Variants in TRIM16 observed in about 807,000 individuals in gnomAD.
The protein encoded by TRIM16 is tripartite motif-containing protein 16.
TRIM16 carries 33 observed loss-of-function variants against 50.4 expected under a neutral mutation model. That is an observed-to-expected ratio of 0.65 (90% CI 0.50 to 0.88). TRIM16 has a LOEUF of 0.88. TRIM16 is among the 40% of genes least tolerant of loss of function. The probability of loss-of-function intolerance (pLI) is 0.00; values close to 1 mark genes in which losing one functional copy is unlikely to be tolerated. For missense variants in TRIM16, 581 were observed against 686.8 expected, an observed-to-expected ratio of 0.85 and a Z score of 1.72; for synonymous variants, 229 against 270.7, an observed-to-expected ratio of 0.85 and a Z score of 1.51.
intron 6 of TRIM16, among the ~76,000 whole-genome samples, chr17:15,675,848 T>C (rs1239319316): frequency 2.7e-5 from 4 of 147,432 alleles, no homozygotes; most frequent in African/African-American, 1.0e-4. Context: ...ATATATTATA[T>C]ACTATACATA....
At chr17:15,676,052 C>T (rs999659039) in intron 6 of TRIM16, among the ~76,000 whole-genome samples, 10 of 152,042 alleles carry the variant, frequency 6.6e-5, no homozygotes, top group Admixed American at 2.0e-4. Flanking sequence ...TTTGGCATGT[C>T]GTCCTTATAT....
At chr17:15,662,244 G>T (rs2150928659) in intron 6 of TRIM16, among the ~76,000 whole-genome samples, 1 of 152,302 alleles carries the variant, frequency 6.6e-6, no homozygotes, top group Admixed American at 6.5e-5. Context: ...CCCATGAGGA[G>T]TCAGAAATGG....
chr17:15,669,478 C>A (rs529278131), intron 6 of TRIM16, among the ~76,000 whole-genome samples: 1 of 152,254 alleles, frequency 6.6e-6, no homozygotes, highest in Admixed American at 6.5e-5. Context: ...TACATATACA[C>A]GCACAAGCAA....
intron 6 of TRIM16, among the ~76,000 whole-genome samples, chr17:15,669,105 T>C (rs1442873766): frequency 1.3e-5 from 2 of 151,906 alleles, no homozygotes; most frequent in African/African-American, 2.4e-5. Flanking sequence ...AAAATCTTGA[T>C]AGTATCCAAT....
At chr17:15,652,459 T>G (rs1987772057) in intron 6 of TRIM16, among the ~76,000 whole-genome samples, 2 of 111,782 alleles carry the variant, frequency 1.8e-5, no homozygotes, top group African/African-American at 8.0e-5. Flanking sequence ...GCCCACCTTT[T>G]TTTTTTTTTT....
Position 15,651,551 on chromosome 17 carries a change from G to A in TRIM16, c.59C>T (p.Pro20Leu), listed in dbSNP as rs1233537895. Residue 20 changes from proline (P) to leucine (L), a missense_variant, in exon 7 of 12, where the codon CCA becomes CTA. Around this residue, in one of 3 missense-constraint regions of TRIM16, gnomAD observed 450 missense variants for 544.3 expected, o/e 0.83. Coordinates refer to ENST00000649191, the MANE Select transcript of TRIM16 (RefSeq NM_001348119.1). The stretch of plus-strand genomic sequence containing the variant: ...CCCAGAGTCTGGGCTGAGAGGGGCT[G>A]GGGGCTGAGCAGTGGCCCTGGGCAG... Reference protein sequence around the residue: ...GPLPRATAQPPAPLSPDSGSP... With the variant: ...GPLPRATAQPLAPLSPDSGSP... 5.6e-6 allele frequency: 9 copies of A among 1,613,926 alleles called. No homozygotes were observed. Among genetic ancestry groups the A allele is most frequent in the Non-Finnish European group, 7.6e-6 (9 of 1,179,946 alleles).
chr17:15,645,577 A>C (rs1000240327), intron 7 of TRIM16, among the ~76,000 whole-genome samples: 1 of 149,006 alleles, frequency 6.7e-6, no homozygotes, highest in African/African-American at 2.6e-5. Context: ...AAAAGAAAAA[A>C]AAAAAAGAAT....
chr17:15,671,767 A>G (rs1387286682), intron 6 of TRIM16, among the ~76,000 whole-genome samples: 1 of 152,174 alleles, frequency 6.6e-6, no homozygotes, highest in Admixed American at 6.5e-5. Context: ...GTATCAAACC[A>G]AAATTGTCAT....
rs1597634028 is a variant in TRIM16 at position 15,651,633 on chromosome 17, G to T, written c.-24C>A. 2.5e-6 allele frequency: 4 copies of T among 1,606,952 alleles called. No individual in the cohort carries two copies. Among genetic ancestry groups the T allele is most frequent in the Non-Finnish European group, 3.4e-6 (4 of 1,176,796 alleles). On this transcript the variant is annotated 5_prime_UTR_variant, in exon 7 of 12. Transcript: ENST00000649191. ...ATCTGGGAGGCTCTGCTCCTAGGCT[G>T]TCTTTCTTCTGTCCCTTGGCCCAGG...
intron 6 of TRIM16, among the ~76,000 whole-genome samples, chr17:15,658,278 T>C (rs564459142): frequency 6.6e-6 from 1 of 152,208 alleles, no homozygotes; most frequent in Non-Finnish European, 1.5e-5. Flanking sequence ...GGACTCTAGG[T>C]TAACTCAAGT....
Position 15,628,880 on chromosome 17 carries a change from G to A in TRIM16, c.1430C>T (p.Thr477Met), listed in dbSNP as rs768386955. The A allele has an allele frequency of 1.5e-5, 25 of 1,614,064 alleles. No individual in the cohort carries two copies. The highest frequency in any genetic ancestry group is 1.6e-4 in the Middle Eastern group (1 of 6,084). The change falls in exon 12 of 12, where the codon ACG becomes ATG. Residue 477 changes from threonine to methionine, a missense_variant. By Grantham distance (81) the Thr-to-Met change is moderately conservative. Coordinates refer to ENST00000649191, the MANE Select transcript of TRIM16 (RefSeq NM_001348119.1). ...WSLQWNGKEF[T>M]AWYSDMETPL... ...GGTCTCCATGTCACTGTACCAGGCC[G>A]TGAACTCCTTCCCGTTCCATTGGAG...
Position 15,651,358 on chromosome 17 carries a change from G to A in TRIM16, c.252C>T (p.Thr84=). Residue 84 remains threonine (T), a synonymous_variant, in exon 7 of 12, where the codon ACC becomes ACT. Transcript: ENST00000649191. The part of the protein sequence containing the change: ...EVLCDFCLDD[T]RRVKAVKSCL... ...AGGACTTCACTGCCTTCACTCTTCT[G>A]GTGTCATCAAGGCAGAAGTCACACA... 3 of 1,614,180 alleles carry A rather than the reference G, an allele frequency of 1.9e-6. No individual in the cohort carries two copies. Among genetic ancestry groups the A allele is most frequent in the Non-Finnish European group, 2.5e-6 (3 of 1,180,024 alleles).
chr17:15,632,482 T>C (rs1484148513), intron 10 of TRIM16, 27 bp downstream of exon 10: 3 of 1,596,996 alleles, frequency 1.9e-6, no homozygotes, highest in Non-Finnish European at 2.6e-6. Flanking sequence ...ACACTCACTA[T>C]AGTCCATGGC....
intron 1 of TRIM16, 95 bp from the exon 2 acceptor site, chr17:15,683,252 C>T: frequency 1.0e-6 from 1 of 979,264 alleles, no homozygotes; most frequent in South Asian, 1.7e-5. Context: ...GAGTCTGACG[C>T]AGTATCTTTT....
intron 4 of TRIM16, among the ~76,000 whole-genome samples, chr17:15,680,386 A>C (rs1989136623): frequency 1.3e-5 from 2 of 149,560 alleles, no homozygotes; most frequent in Non-Finnish European, 2.9e-5. Flanking sequence ...TGTGCCACAC[A>C]GATTTGTGTA....
intron 6 of TRIM16, among the ~76,000 whole-genome samples, chr17:15,675,075 G>A (rs1454982149): frequency 6.6e-6 from 1 of 151,816 alleles, no homozygotes; most frequent in Admixed American, 6.6e-5. Context: ...GCCAGGGAAG[G>A]GGGGTAAAAT....
chr17:15,645,838 T>C (rs1177581709), intron 7 of TRIM16, among the ~76,000 whole-genome samples: 1 of 152,212 alleles, frequency 6.6e-6, no homozygotes, highest in East Asian at 1.9e-4. Context: ...CCTCTCACCC[T>C]TGATACCTGA....
chr17:15,679,936 C>CAAAAAAA (rs56845789), intron 4 of TRIM16, among the ~76,000 whole-genome samples: 1 of 128,646 alleles, frequency 7.8e-6, no homozygotes, highest in Non-Finnish European at 1.6e-5. Flanking sequence ...GACTATGTCT[C>CAAAAAAA]AAAAAAAAAA....
At chr17:15,657,820 T>C (rs149587850) in intron 6 of TRIM16, among the ~76,000 whole-genome samples, 3 of 152,328 alleles carry the variant, frequency 2.0e-5, no homozygotes, top group African/African-American at 7.2e-5. Context: ...AAATGCCCCG[T>C]GGAAAAAATG....
Sources: gnomAD v4.1 joint callset for allele counts (sites outside exome capture counted in the v4.1 genomes callset) on GRCh38, gnomAD v4.1.1 for gene constraint, gnomAD v4.1.1 regional missense constraint, MANE v1.5 for transcripts, NCBI Gene and HGNC (gene_info 2026-07-23, HGNC 2026-07-21) for gene names.